INPP4A: variants seen among roughly 807,000 people sequenced by gnomAD.
The protein encoded by INPP4A is inositol polyphosphate-4-phosphatase, type I, 107kD.
A neutral mutation model predicts 119.8 loss-of-function variants in INPP4A; 33 were observed. The observed-to-expected ratio is 0.28, with a 90% confidence interval of 0.21 to 0.37. INPP4A has a LOEUF of 0.37. Ranked by LOEUF, INPP4A falls within the 10% of genes least tolerant of loss-of-function variation. The probability of loss-of-function intolerance (pLI) is 1.00; values close to 1 mark genes in which losing one functional copy is unlikely to be tolerated. For synonymous variants in INPP4A, 496 were observed against 500.7 expected, an observed-to-expected ratio of 0.99 and a Z score of 0.12; for missense variants, 956 against 1,289.9, an observed-to-expected ratio of 0.74 and a Z score of 3.97.
chr2:98,533,077 G>T (rs1689548923), intron 4 of INPP4A, among the ~76,000 whole-genome samples: 1 of 152,184 alleles, frequency 6.6e-6, no homozygotes. Flanking sequence ...GGACTTGAAG[G>T]GTTGGACCTA....
chr2:98,491,232 T>C (rs1294380766), intron 1 of INPP4A, among the ~76,000 whole-genome samples: 5 of 152,208 alleles, frequency 3.3e-5, no homozygotes, highest in African/African-American at 1.2e-4. Flanking sequence ...TTTTTCTGTT[T>C]GGATTAAAGT....
In INPP4A at chr2:98,546,751, C is replaced by T; in HGVS notation, c.1163+57C>T. ...TACAGCTTTCTGATGCTTCTTTTCT[C>T]AGTTTAAAATAAAATCAAAATATGA... On this transcript the variant is annotated intron_variant, in intron 13 of 24. Coordinates refer to ENST00000409851, the MANE Select transcript of INPP4A (RefSeq NM_001134225.2). This position sits in a 1 kb window ranked among gnomAD's most constrained non-coding sequence, Gnocchi z 4.2. 9.1e-7 allele frequency: 1 copy of T among 1,099,418 alleles called. No individual in the cohort carries two copies. The highest frequency in any genetic ancestry group is 1.4e-6 in the Non-Finnish European group (1 of 723,678). The allele number at this position is 1,099,418 out of a possible 1,614,324, so 68.1% of individuals were successfully genotyped here.
chr2:98,507,959 A>T (rs565078896), intron 1 of INPP4A, among the ~76,000 whole-genome samples: 2 of 152,286 alleles, frequency 1.3e-5, no homozygotes, highest in South Asian at 4.1e-4. Context: ...TGGCATCGTC[A>T]CTGCATCCCC....
intron 1 of INPP4A, among the ~76,000 whole-genome samples, chr2:98,513,743 C>G (rs1480966508): frequency 2.0e-5 from 3 of 152,224 alleles, no homozygotes; most frequent in Non-Finnish European, 2.9e-5. Context: ...GTTACTGCTC[C>G]TGTTCTCTCT....
intron 1 of INPP4A, among the ~76,000 whole-genome samples, chr2:98,492,592 C>G (rs559979828): frequency 2.0e-5 from 3 of 152,290 alleles, no homozygotes; most frequent in Admixed American, 1.3e-4. Flanking sequence ...GAGCGGGGCT[C>G]TAGAGACCTG....
chr2:98,563,410 A>C (rs1274032546), intron 17 of INPP4A, 55 bp from the exon 18 acceptor site: 2 of 1,526,472 alleles, frequency 1.3e-6, no homozygotes, highest in African/African-American at 2.8e-5. Flanking sequence ...AATTGCCAGA[A>C]CCTAATTCTT....
chr2:98,512,548 A>G (rs918232316), intron 1 of INPP4A, among the ~76,000 whole-genome samples: 1 of 152,216 alleles, frequency 6.6e-6, no homozygotes. Flanking sequence ...ATGGTGGAAG[A>G]GTGGAAGGTG....
intron 1 of INPP4A, among the ~76,000 whole-genome samples, chr2:98,455,349 A>G (rs1234979399): frequency 1.3e-5 from 2 of 148,764 alleles, no homozygotes; most frequent in East Asian, 3.9e-4. Context: ...ACAAAAAAAG[A>G]AAAAAAAAAG....
intron 1 of INPP4A, among the ~76,000 whole-genome samples, chr2:98,516,285 A>G (rs1007147438): frequency 1.3e-5 from 2 of 152,206 alleles, no homozygotes; most frequent in African/African-American, 2.4e-5. Context: ...CCAAATAACT[A>G]TGAAGTGCTT....
intron 23 of INPP4A, among the ~76,000 whole-genome samples, chr2:98,573,398 C>T (rs1318073012): frequency 1.3e-5 from 2 of 152,244 alleles, no homozygotes; most frequent in Admixed American, 6.5e-5. Flanking sequence ...CTGCTCTGAG[C>T]CTGGGTAACA....
intron 1 of INPP4A, among the ~76,000 whole-genome samples, chr2:98,506,961 G>A (rs1166667968): frequency 1.3e-5 from 2 of 152,218 alleles, no homozygotes; most frequent in Admixed American, 6.5e-5. Context: ...GGAGGAAAAC[G>A]ACATTTTGGA....
chr2:98,534,715 T>G (rs1689894093), intron 5 of INPP4A, among the ~76,000 whole-genome samples: 2 of 152,186 alleles, frequency 1.3e-5, no homozygotes, highest in South Asian at 4.1e-4. Context: ...CAGATGGTAG[T>G]GAGCCAGTGT....
chr2:98,497,297 G>A (rs116317388), intron 1 of INPP4A, among the ~76,000 whole-genome samples: 4,735 of 152,310 alleles, frequency 0.031, 271 homozygotes, highest in African/African-American at 0.11. Context: ...CTGCACAGGT[G>A]GGGCCCTCAT....
chr2:98,471,410 A>T (rs548638850), intron 1 of INPP4A, among the ~76,000 whole-genome samples: 32 of 152,352 alleles, frequency 2.1e-4, no homozygotes, highest in African/African-American at 7.5e-4. Context: ...TAAAATATAT[A>T]GCAGGTGGGA....
intron 13 of INPP4A, among the ~76,000 whole-genome samples, chr2:98,547,551 G>C (rs921401589): frequency 1.3e-5 from 2 of 152,178 alleles, no homozygotes; most frequent in Non-Finnish European, 2.9e-5. Context: ...GGAAGTGGGG[G>C]TGATGAGTGT....
intron 1 of INPP4A, among the ~76,000 whole-genome samples, chr2:98,456,027 TTG>T (rs896699458): frequency 6.6e-6 from 1 of 152,184 alleles, no homozygotes; most frequent in Non-Finnish European, 1.5e-5. Flanking sequence ...TACAGCATTT[TTG>T]TAAGTCCAGC....
intron 1 of INPP4A, among the ~76,000 whole-genome samples, chr2:98,479,477 G>A (rs185014346): frequency 6.6e-6 from 1 of 152,296 alleles, no homozygotes; most frequent in African/African-American, 2.4e-5. Flanking sequence ...GTTTGAAGCA[G>A]CTTGCTCCAG....
In INPP4A at chr2:98,546,153, C is replaced by T. The variant is rs1414100311; in HGVS notation, c.1054+80C>T. The T allele has an allele frequency of 1.1e-6, 1 of 946,544 alleles. No homozygotes were observed. The highest frequency in any genetic ancestry group is 1.7e-6 in the Non-Finnish European group (1 of 604,984). 58.6% of individuals were successfully genotyped at this position (946,544 alleles called of 1,614,324 possible). A position where few individuals can be genotyped will look rare whatever the true frequency, so the allele number is the denominator to read the frequency against. On this transcript the variant is annotated intron_variant, in intron 12 of 24. Coordinates refer to ENST00000409851, the MANE Select transcript of INPP4A (RefSeq NM_001134225.2). This position sits in a 1 kb window ranked among gnomAD's most constrained non-coding sequence, Gnocchi z 4.2. The stretch of plus-strand genomic sequence containing the variant: ...GGGTACTTGGTCCCTGAGTACCCCA[C>T]ATCTGCCCATTTCCCTGTGTGCTCT...
In INPP4A at chr2:98,592,587, T is replaced by C. The variant is rs1217736841; in HGVS notation, c.*4979T>C. Reference sequence around the variant, plus strand: ...CAGGAAGACAGAAAAAAAAGCAAAATAGCATCCTTTTCTGAGAGGTATATG... The same window carrying C: ...CAGGAAGACAGAAAAAAAAGCAAAACAGCATCCTTTTCTGAGAGGTATATG... On this transcript the variant is annotated 3_prime_UTR_variant, in exon 25 of 25. Coordinates refer to ENST00000409851, the MANE Select transcript of INPP4A (RefSeq NM_001134225.2). 6.6e-6 allele frequency: 1 copy of C among 152,112 alleles called. No individual in the cohort carries two copies. Among genetic ancestry groups the C allele is most frequent in the African/African-American group, 2.4e-5 (1 of 41,410 alleles). The allele number at this position is 152,112 out of a possible 1,614,324, so 9.4% of individuals were successfully genotyped here.
Sources: gnomAD v4.1 joint callset for allele counts (sites outside exome capture counted in the v4.1 genomes callset) on GRCh38, gnomAD v4.1.1 for gene constraint, Gnocchi (gnomAD v3.1) non-coding constraint, MANE v1.5 for transcripts, NCBI Gene and HGNC (gene_info 2026-07-23, HGNC 2026-07-21) for gene names.